Variants in CFAP77 observed in about 807,000 individuals in gnomAD.
The protein encoded by CFAP77 is cilia- and flagella-associated protein 77.
In CFAP77, 25 loss-of-function variants were observed where a neutral mutation model predicts 31.1. That is an observed-to-expected ratio of 0.80 (90% confidence interval 0.59 to 1.12). CFAP77 has a LOEUF of 1.12. Ranked by LOEUF, CFAP77 falls within the 50% of genes most tolerant of loss-of-function variation. The pLI is 0.00. For synonymous variants in CFAP77, 151 were observed against 159.9 expected (o/e 0.94, Z 0.42); for missense variants, 377 against 397.3 (o/e 0.95, Z 0.44).
intron 1 of CFAP77, among the ~76,000 whole-genome samples, chr9:132,457,303 C>T (rs576762964): frequency 1.1e-3 from 6 of 5,226 alleles, no homozygotes; most frequent in African/African-American, 2.6e-3. Flanking sequence ...AAGACGGGGA[C>T]GGGGGTGGGG....
intron 5 of CFAP77, among the ~76,000 whole-genome samples, chr9:132,560,175 G>A (rs562731093): frequency 2.5e-4 from 38 of 152,306 alleles, no homozygotes; most frequent in African/African-American, 9.1e-4. Flanking sequence ...TCTCAATAAA[G>A]CTGTTTTTAA....
At chr9:132,436,956 T>A (rs986091241) in intron 1 of CFAP77, among the ~76,000 whole-genome samples, 4 of 152,112 alleles carry the variant, frequency 2.6e-5, no homozygotes, top group East Asian at 1.9e-4. Flanking sequence ...GGGGCTGGAT[T>A]TTCCCCCCAC....
intron 1 of CFAP77, among the ~76,000 whole-genome samples, chr9:132,463,954 C>G (rs1254761437): frequency 6.6e-6 from 1 of 152,182 alleles, no homozygotes; most frequent in Non-Finnish European, 1.5e-5. Flanking sequence ...CTGGGAGCCG[C>G]CTGATGGTTT....
chr9:132,446,431 C>T (rs918467361), intron 1 of CFAP77, among the ~76,000 whole-genome samples: 9 of 151,842 alleles, frequency 5.9e-5, no homozygotes, highest in Non-Finnish European at 1.0e-4. Flanking sequence ...TAACTACCGA[C>T]GGTGCCTGCC....
intron 1 of CFAP77, among the ~76,000 whole-genome samples, chr9:132,478,175 A>T (rs777979682): frequency 5.3e-5 from 8 of 152,052 alleles, no homozygotes; most frequent in Non-Finnish European, 1.2e-4. Context: ...TTTCTGCCCC[A>T]TGCGCCTCTT....
chr9:132,535,711 C>A (rs890903341), intron 3 of CFAP77, among the ~76,000 whole-genome samples: 2 of 147,956 alleles, frequency 1.4e-5, no homozygotes, highest in Non-Finnish European at 3.0e-5. Flanking sequence ...GACTCCACCT[C>A]AATAAATAAA....
At chr9:132,568,582 C>T (rs1025515354) in intron 5 of CFAP77, among the ~76,000 whole-genome samples, 5 of 148,770 alleles carry the variant, frequency 3.4e-5, no homozygotes, top group Admixed American at 6.7e-5. Context: ...AAAAATAGTG[C>T]GTATACTATA....
At position 132,499,286 on chromosome 9, in the gene CFAP77, C is replaced by A; in HGVS notation, c.296-86C>A. On this transcript the variant is annotated intron_variant, in intron 2 of 5. Coordinates refer to ENST00000393216, the MANE Select transcript of CFAP77 (RefSeq NM_001282957.2). The surrounding 1 kb of genome is among the most constrained non-coding windows in gnomAD (Gnocchi z 5.4). ...GGTAAATGGGAAGGCCGAGGACCCGCGTGCCCCCATTTCTTCTCGATCAGC... is the reference window on the plus strand; with the variant it reads ...GGTAAATGGGAAGGCCGAGGACCCGAGTGCCCCCATTTCTTCTCGATCAGC... The A allele has an allele frequency of 8.3e-7, 1 of 1,201,570 alleles. No individual in the cohort carries two copies. Among genetic ancestry groups the A allele is most frequent in the Non-Finnish European group, 1.2e-6 (1 of 834,716 alleles). The allele number at this position is 1,201,570 out of a possible 1,614,324, so 74.4% of individuals were successfully genotyped here.
intron 1 of CFAP77, among the ~76,000 whole-genome samples, chr9:132,433,681 G>A (rs1250644137): frequency 6.6e-6 from 1 of 151,918 alleles, no homozygotes; most frequent in Non-Finnish European, 1.5e-5. Flanking sequence ...CTGAGTAGCT[G>A]GGATTACAGG....
Position 132,498,532 on chromosome 9 carries a change from C to A in CFAP77, c.196-163C>A, listed in dbSNP as rs1197861282. 6.6e-6 allele frequency among the ~76,000 whole-genome samples: 1 copy of A among 152,142 alleles called. No homozygotes were observed. Among genetic ancestry groups the A allele is most frequent in the Non-Finnish European group, 1.5e-5 (1 of 68,016 alleles). Reference sequence around the variant, plus strand: ...GACCCTGTGCCAGCCACAGCCTGCGCTCCTCCCAGGGAGGGCTCTGCCACC... The same window carrying A: ...GACCCTGTGCCAGCCACAGCCTGCGATCCTCCCAGGGAGGGCTCTGCCACC... On this transcript the variant is annotated intron_variant, in intron 1 of 5. Coordinates refer to ENST00000393216, the MANE Select transcript of CFAP77 (RefSeq NM_001282957.2). This position sits in a 1 kb window ranked among gnomAD's most constrained non-coding sequence, Gnocchi z 4.2.
intron 1 of CFAP77, among the ~76,000 whole-genome samples, chr9:132,462,305 T>C (rs1165270983): frequency 6.6e-6 from 1 of 152,196 alleles, no homozygotes; most frequent in Non-Finnish European, 1.5e-5. Flanking sequence ...GTGGTCCTGC[T>C]CCTCCGTTTG....
In CFAP77 at chr9:132,486,098, T is replaced by TATTTTATTTTA. The variant is rs1269921105; in HGVS notation, c.196-12597_196-12596insATTTTATTTTA. Reference sequence around the variant, plus strand: ...TATATATATATATATATATTTTTTTTTTTTTTTTTTTTGAGACGGAGTCTT... The same window carrying TATTTTATTTTA: ...TATATATATATATATATATTTTTTTTATTTTATTTTATTTTTTTTTTTTGAGACGGAGTCTT... On this transcript the variant is annotated intron_variant, in intron 1 of 5. Coordinates refer to ENST00000393216, the MANE Select transcript of CFAP77 (RefSeq NM_001282957.2). Among the ~76,000 whole-genome samples, 19 of 81,374 alleles carry TATTTTATTTTA rather than the reference T, an allele frequency of 2.3e-4. 2 individuals carry two copies. Among genetic ancestry groups the TATTTTATTTTA allele is most frequent in the South Asian group, 7.2e-4 (2 of 2,776 alleles). 53.4% of individuals were successfully genotyped at this position (81,374 alleles called of 152,430 possible).
At position 132,539,740 on chromosome 9, in the gene CFAP77, A is replaced by C. The variant is rs966866285; in HGVS notation, c.630+2034A>C. On this transcript the variant is annotated intron_variant, in intron 4 of 5. Coordinates refer to ENST00000393216, the MANE Select transcript of CFAP77 (RefSeq NM_001282957.2). The surrounding 1 kb of genome is among the most constrained non-coding windows in gnomAD (Gnocchi z 4.3). ...CTCAGCAGTCTGCAGAACGTCAGAC[A>C]CCTCATTAAAGAGCTCGGCCTTGTA... Among the ~76,000 whole-genome samples the C allele has an allele frequency of 2.6e-5, 4 of 152,116 alleles. No individual in the cohort carries two copies. Among genetic ancestry groups the C allele is most frequent in the African/African-American group, 4.8e-5 (2 of 41,418 alleles).
intron 5 of CFAP77, among the ~76,000 whole-genome samples, chr9:132,559,944 A>G (rs1222337277): frequency 6.6e-6 from 1 of 152,244 alleles, no homozygotes; most frequent in African/African-American, 2.4e-5. Flanking sequence ...CTCACATTGT[A>G]TAATTCCATT....
At chr9:132,536,124 G>T (rs998952975) in intron 3 of CFAP77, among the ~76,000 whole-genome samples, 2 of 152,080 alleles carry the variant, frequency 1.3e-5, no homozygotes, top group Non-Finnish European at 2.9e-5. Context: ...CATCCTATGG[G>T]ACTGGTTAGG....
intron 1 of CFAP77, among the ~76,000 whole-genome samples, chr9:132,486,737 G>T (rs778490726): frequency 1.3e-5 from 2 of 152,224 alleles, no homozygotes; most frequent in African/African-American, 4.8e-5. Context: ...TGCCTTCTCC[G>T]AGTGTAATCA....
At chr9:132,458,357 G>GGGGGGGGGGGTGGGGT (rs139008147) in intron 1 of CFAP77, among the ~76,000 whole-genome samples, 62 of 119,124 alleles carry the variant, frequency 5.2e-4, no homozygotes, top group East Asian at 1.3e-3. Context: ...GAGGGGGGGG[G>GGGGGGGGGGGTGGGGT]GTGTGTATGG....
At position 132,481,957 on chromosome 9, in the gene CFAP77, G is replaced by A. The variant is rs1396638254; in HGVS notation, c.196-16738G>A. On this transcript the variant is annotated intron_variant, in intron 1 of 5. Coordinates refer to ENST00000393216, the MANE Select transcript of CFAP77 (RefSeq NM_001282957.2). The surrounding 1 kb of genome is among the most constrained non-coding windows in gnomAD (Gnocchi z 5.0). ...TCTCAGGAAGGAACAAGGGTTTATG[G>A]TTGGGGGGGGGGGGGGCGGCGGAAC... Among the ~76,000 whole-genome samples, 1 of 43,918 alleles carries A rather than the reference G, an allele frequency of 2.3e-5. No homozygotes were observed. The highest frequency in any genetic ancestry group is 4.2e-5 in the Non-Finnish European group (1 of 23,556). The allele number at this position is 43,918 out of a possible 152,430, so 28.8% of individuals were successfully genotyped here. A position where few individuals can be genotyped will look rare whatever the true frequency, so the allele number is the denominator to read the frequency against.
chr9:132,431,102 G>A (rs923608994), intron 1 of CFAP77, among the ~76,000 whole-genome samples: 9 of 152,194 alleles, frequency 5.9e-5, no homozygotes, highest in Non-Finnish European at 8.8e-5. Flanking sequence ...GAGAAGGGAA[G>A]TCCAAATTCA....
Sources: allele counts gnomAD v4.1 joint callset (sites outside exome capture counted in the v4.1 genomes callset), GRCh38; gene constraint gnomAD v4.1.1; non-coding constraint Gnocchi (gnomAD v3.1); transcripts MANE v1.5; gene names NCBI Gene and HGNC (gene_info 2026-07-23, HGNC 2026-07-21).